KALRN: variants seen among roughly 807,000 people sequenced by gnomAD.
KALRN encodes the protein kalirin RhoGEF kinase.
A neutral mutation model predicts 353.7 loss-of-function variants in KALRN; 70 were observed. The ratio of observed to expected loss-of-function variants is 0.20; its 90% CI spans 0.16 to 0.24. KALRN has a LOEUF of 0.24. Among genes scored for constraint, KALRN ranks in the 10% least tolerant of loss-of-function variants. The probability of loss-of-function intolerance (pLI) is 1.00; values close to 1 mark genes in which losing one functional copy is unlikely to be tolerated. For synonymous variants in KALRN, 1,391 were observed against 1,434.8 expected, an observed-to-expected ratio of 0.97 and a Z score of 0.69; for missense variants, 2,791 against 3,756.7, an observed-to-expected ratio of 0.74 and a Z score of 6.72.
At chr3:124,614,092 T>C (rs543107024) in intron 34 of KALRN, among the ~76,000 whole-genome samples, 11 of 152,292 alleles carry the variant, frequency 7.2e-5, no homozygotes, top group African/African-American at 2.4e-4. Flanking sequence ...GGAATCTCTG[T>C]TTCACGTGAA....
chr3:124,651,022 G>T, intron 38 of KALRN, 84 bp downstream of exon 38: 1 of 1,506,682 alleles, frequency 6.6e-7, no homozygotes, highest in Admixed American at 1.8e-5. Flanking sequence ...ATTCGAGAGG[G>T]GTTCCCCACG....
chr3:124,381,170 A>G (rs941574191), intron 10 of KALRN, among the ~76,000 whole-genome samples: 1 of 152,198 alleles, frequency 6.6e-6, no homozygotes, highest in Admixed American at 6.5e-5. Context: ...TGGACTTCCT[A>G]GAAGAAGCAA....
chr3:124,125,457 G>A (rs2064539812), intron 1 of KALRN, among the ~76,000 whole-genome samples: 1 of 152,198 alleles, frequency 6.6e-6, no homozygotes, highest in Non-Finnish European at 1.5e-5. Context: ...GTCAGAGATG[G>A]TGTAGTGAAT....
intron 1 of KALRN, among the ~76,000 whole-genome samples, chr3:124,081,143 A>G (rs973693561): frequency 6.6e-6 from 1 of 152,202 alleles, no homozygotes; most frequent in African/African-American, 2.4e-5. Context: ...ACCTTCTATG[A>G]CATTCTCCTG....
chr3:124,716,853 G>A (rs1381402115), intron 58 of KALRN, among the ~76,000 whole-genome samples: 1 of 152,214 alleles, frequency 6.6e-6, no homozygotes, highest in Admixed American at 6.5e-5. Context: ...CAAAACACAT[G>A]TGGGGCTGTT....
intron 1 of KALRN, chr3:124,080,125 A>G (rs1428182021): frequency 4.3e-6 from 2 of 469,318 alleles, no homozygotes; most frequent in Non-Finnish European, 8.8e-6. Flanking sequence ...AGGCTGTCTG[A>G]ACACGAAACT....
intron 13 of KALRN, among the ~76,000 whole-genome samples, chr3:124,406,538 A>G (rs1337554612): frequency 6.6e-6 from 1 of 152,222 alleles, no homozygotes; most frequent in African/African-American, 2.4e-5. Flanking sequence ...TCATCTTCAC[A>G]AAAATAATGA....
chr3:124,404,376 A>T (rs1422791060), intron 13 of KALRN, among the ~76,000 whole-genome samples: 1 of 151,886 alleles, frequency 6.6e-6, no homozygotes, highest in Admixed American at 6.6e-5. Context: ...CTCTTTCTGG[A>T]TAGGACATGG....
intron 34 of KALRN, among the ~76,000 whole-genome samples, chr3:124,581,234 A>G (rs1241199439): frequency 1.3e-5 from 2 of 152,060 alleles, no homozygotes; most frequent in Admixed American, 6.6e-5. Context: ...CACGCCTGTA[A>G]TCCCAAAACT....
intron 1 of KALRN, among the ~76,000 whole-genome samples, chr3:124,171,114 G>A (rs2071756919): frequency 6.6e-6 from 1 of 151,946 alleles, no homozygotes; most frequent in Admixed American, 6.6e-5. Context: ...ACCTCACCTG[G>A]CCCATTTCTA....
chr3:124,243,255 T>G (rs1224325271), intron 3 of KALRN, among the ~76,000 whole-genome samples: 1 of 152,158 alleles, frequency 6.6e-6, no homozygotes, highest in Admixed American at 6.5e-5. Context: ...GCCTGCACAG[T>G]CCATGTGGGG....
intron 51 of KALRN, among the ~76,000 whole-genome samples, chr3:124,689,778 T>A (rs2150560496): frequency 6.6e-6 from 1 of 152,266 alleles, no homozygotes; most frequent in East Asian, 1.9e-4. Context: ...AAAAAAAATA[T>A]GACTGATGGT....
chr3:124,640,605 C>T (rs2149954903), intron 37 of KALRN, among the ~76,000 whole-genome samples: 1 of 152,250 alleles, frequency 6.6e-6, no homozygotes, highest in South Asian at 2.1e-4. Context: ...TTATTCTATT[C>T]TAAATGCAAC....
At chr3:124,646,051 T>C (rs1358395875) in intron 37 of KALRN, among the ~76,000 whole-genome samples, 1 of 152,188 alleles carries the variant, frequency 6.6e-6, no homozygotes, top group African/African-American at 2.4e-5. Flanking sequence ...TTGTTCTTAA[T>C]AGCCATCCTA....
chr3:124,246,267 C>G (rs985291888), intron 3 of KALRN, among the ~76,000 whole-genome samples: 2 of 152,226 alleles, frequency 1.3e-5, no homozygotes, highest in African/African-American at 4.8e-5. Context: ...ATCAATGACC[C>G]TAACTTAGGG....
At chr3:124,167,085 G>A (rs1187814560) in intron 1 of KALRN, among the ~76,000 whole-genome samples, 1 of 152,046 alleles carries the variant, frequency 6.6e-6, no homozygotes, top group African/African-American at 2.4e-5. Flanking sequence ...TAAATTTGGG[G>A]ACTTTCCAAA....
Position 124,726,200 on chromosome 3 carries a change from T to C in KALRN, c.*6730T>C, listed in dbSNP as rs2063416941. 6.6e-6 allele frequency: 1 copy of C among 152,248 alleles called. No homozygotes were observed. Among genetic ancestry groups the C allele is most frequent in the Non-Finnish European group, 1.5e-5 (1 of 68,042 alleles). 9.4% of individuals were successfully genotyped at this position (152,248 alleles called of 1,614,324 possible). A position where few individuals can be genotyped will look rare whatever the true frequency, so the allele number is the denominator to read the frequency against. On this transcript the variant is annotated 3_prime_UTR_variant, in exon 60 of 60. Transcript: ENST00000682506. Reference sequence around the variant, plus strand: ...GTAAGTCAAAATCACTCATGTGTAATGTTGTAAAGTGATGACCTGCTGTCT... The same window carrying C: ...GTAAGTCAAAATCACTCATGTGTAACGTTGTAAAGTGATGACCTGCTGTCT...
chr3:124,112,304 CAAAA>C (rs111307023), intron 1 of KALRN, among the ~76,000 whole-genome samples: 1 of 125,914 alleles, frequency 7.9e-6, no homozygotes, highest in Non-Finnish European at 1.6e-5. Context: ...CTCCATCTCA[CAAAA>C]AAAAAAAAAA....
chr3:124,523,945 A>T (rs575467677), intron 33 of KALRN, among the ~76,000 whole-genome samples: 1 of 152,302 alleles, frequency 6.6e-6, no homozygotes, highest in Non-Finnish European at 1.5e-5. Context: ...CACCCAATAC[A>T]TTGATATTCT....
Sources: allele counts gnomAD v4.1 joint callset (sites outside exome capture counted in the v4.1 genomes callset), GRCh38; gene constraint gnomAD v4.1.1; transcripts MANE v1.5; gene names NCBI Gene and HGNC (gene_info 2026-07-23, HGNC 2026-07-21).